NRXN3: variants seen among roughly 807,000 people sequenced by gnomAD.
NRXN3 encodes neurexin 3.
NRXN3 carries 32 observed loss-of-function variants against 137.6 expected under a neutral mutation model. The observed-to-expected ratio is 0.23, with a 90% CI of 0.18 to 0.31. The LOEUF (loss-of-function observed/expected upper bound fraction) is 0.31, where lower values mean the gene tolerates loss of function less well. NRXN3 is among the 10% of genes least tolerant of loss of function. NRXN3 has a pLI of 1.00. For missense variants in NRXN3, 1,574 were observed against 2,062.5 expected (o/e 0.76, Z 4.59); for synonymous variants, 798 against 784.5 (o/e 1.02, Z -0.29).
chr14:78,911,222 C>A (rs1291331178), intron 10 of NRXN3, among the ~76,000 whole-genome samples: 1 of 152,078 alleles, frequency 6.6e-6, no homozygotes, highest in Non-Finnish European at 1.5e-5. Flanking sequence ...AGCTGAGGTA[C>A]AATGAGGGCT....
intron 1 of NRXN3, among the ~76,000 whole-genome samples, chr14:78,223,713 G>C (rs1004092345): frequency 2.0e-5 from 3 of 152,174 alleles, no homozygotes; most frequent in Non-Finnish European, 2.9e-5. Context: ...GGGATAGGGG[G>C]ACAAAGGGAC....
intron 20 of NRXN3, among the ~76,000 whole-genome samples, chr14:79,822,315 A>G (rs546295267): frequency 6.6e-6 from 1 of 152,272 alleles, no homozygotes; most frequent in East Asian, 1.9e-4. Context: ...GAAATGAGAA[A>G]AGCAAGGACA....
intron 15 of NRXN3, among the ~76,000 whole-genome samples, chr14:79,300,115 A>G (rs139787847): frequency 3.0e-4 from 46 of 152,192 alleles, no homozygotes; most frequent in African/African-American, 1.1e-3. Context: ...AAGTGCTTAC[A>G]TGTGTTGTCT....
chr14:79,864,188 G>GTAAT lies in NRXN3; in HGVS notation c.*2225_*2228dup, dbSNP rs2099416836. ...CTTTCTTTCATTTTTTTCAATTTAA[G>GTAAT]TAATAATACATTTGTTATATTCCTT... On this transcript the variant is annotated 3_prime_UTR_variant, in exon 21 of 21. Transcript: ENST00000335750. 1 of 152,470 alleles carries GTAAT rather than the reference G, an allele frequency of 6.6e-6. No individual in the cohort carries two copies. Among genetic ancestry groups the GTAAT allele is most frequent in the Non-Finnish European group, 1.5e-5 (1 of 67,992 alleles). 9.4% of individuals were successfully genotyped at this position (152,470 alleles called of 1,614,324 possible). A position where few individuals can be genotyped will look rare whatever the true frequency, so the allele number is the denominator to read the frequency against.
intron 15 of NRXN3, among the ~76,000 whole-genome samples, chr14:79,309,242 C>G (rs1468527458): frequency 4.1e-5 from 1 of 24,298 alleles, no homozygotes; most frequent in African/African-American, 1.9e-4. Flanking sequence ...TCATCCATGT[C>G]CCTACAAAGG....
At chr14:79,325,680 GTCT>G (rs1474214790) in intron 15 of NRXN3, among the ~76,000 whole-genome samples, 2 of 152,128 alleles carry the variant, frequency 1.3e-5, no homozygotes, top group Admixed American at 6.6e-5. Flanking sequence ...TTTCAAGAAG[GTCT>G]TCTTCTTTTC....
chr14:78,564,292 A>C (rs774701841), intron 4 of NRXN3, among the ~76,000 whole-genome samples: 4 of 152,178 alleles, frequency 2.6e-5, no homozygotes, highest in Non-Finnish European at 5.9e-5. Flanking sequence ...TTCCCGCCTC[A>C]GTGTGAAGGT....
At chr14:78,540,873 A>T (rs1199385878) in intron 4 of NRXN3, among the ~76,000 whole-genome samples, 1 of 152,170 alleles carries the variant, frequency 6.6e-6, no homozygotes, top group African/African-American at 2.4e-5. Context: ...TCCTTCACTT[A>T]TGAAGCTTAG....
At position 79,551,976 on chromosome 14, in the gene NRXN3, C is replaced by T. The variant is rs187662706; in HGVS notation, c.3444+84574C>T. Among the ~76,000 whole-genome samples, 700 of 152,284 alleles carry T rather than the reference C, an allele frequency of 4.6e-3. 2 individuals carry two copies. The highest frequency in any genetic ancestry group is 6.2e-3 in the Non-Finnish European group (420 of 68,028). ...GCTTTTCGTCATTAGCCCAGATGTT[C>T]CCAGTTACTTGGACAGAGAGCCTTG... On this transcript the variant is annotated intron_variant, in intron 16 of 20. Coordinates refer to ENST00000335750, the MANE Select transcript of NRXN3 (RefSeq NM_001330195.2).
chr14:78,712,906 G>A (rs1357458930), intron 7 of NRXN3, among the ~76,000 whole-genome samples: 1 of 152,172 alleles, frequency 6.6e-6, no homozygotes, highest in Non-Finnish European at 1.5e-5. Context: ...GATCACGTCT[G>A]ATCTTCGCAG....
chr14:78,355,673 G>A (rs547399561), intron 4 of NRXN3, among the ~76,000 whole-genome samples: 1 of 152,278 alleles, frequency 6.6e-6, no homozygotes, highest in South Asian at 2.1e-4. Flanking sequence ...ACCCACCTTG[G>A]CCTCCCAAAG....
intron 15 of NRXN3, among the ~76,000 whole-genome samples, chr14:79,295,564 T>C (rs1007524565): frequency 1.3e-5 from 2 of 152,128 alleles, no homozygotes; most frequent in African/African-American, 4.8e-5. Flanking sequence ...GCTGATCTTG[T>C]TCATGGCTGG....
intron 16 of NRXN3, among the ~76,000 whole-genome samples, chr14:79,579,518 A>G (rs2097695592): frequency 6.6e-6 from 1 of 151,912 alleles, no homozygotes; most frequent in Admixed American, 6.6e-5. Context: ...TCTCCAAATT[A>G]TCATTCATGT....
At chr14:79,333,903 ATCTC>A (rs530587042) in intron 15 of NRXN3, among the ~76,000 whole-genome samples, 1 of 151,632 alleles carries the variant, frequency 6.6e-6, no homozygotes, top group Non-Finnish European at 1.5e-5. Flanking sequence ...TCATGTTGCC[ATCTC>A]TCTCTCTCTC....
chr14:79,338,634 A>T (rs1036394805), intron 15 of NRXN3, among the ~76,000 whole-genome samples: 1 of 152,196 alleles, frequency 6.6e-6, no homozygotes, highest in South Asian at 2.1e-4. Flanking sequence ...TGCTGTATGG[A>T]TTAAATGAGA....
rs565837310 is a variant in NRXN3 at position 78,398,932 on chromosome 14, G to T, written c.757+101072G>T. ...CCCATTATAGCCTAACAAGTGTGAG[G>T]GTCTATGTTCCTCAGTTGTTCTTCA... On this transcript the variant is annotated intron_variant, in intron 4 of 20. Coordinates refer to ENST00000335750, the MANE Select transcript of NRXN3 (RefSeq NM_001330195.2). 1.9e-3 allele frequency among the ~76,000 whole-genome samples: 286 copies of T among 152,228 alleles called. 1 individual carries two copies. Among genetic ancestry groups the T allele is most frequent in the African/African-American group, 6.6e-3 (274 of 41,550 alleles).
At chr14:79,628,396 C>T (rs1431630687) in intron 16 of NRXN3, among the ~76,000 whole-genome samples, 1 of 152,124 alleles carries the variant, frequency 6.6e-6, no homozygotes, top group Non-Finnish European at 1.5e-5. Flanking sequence ...TCTAGTATGT[C>T]CATTCTGTTG....
intron 6 of NRXN3, among the ~76,000 whole-genome samples, chr14:78,690,174 T>G (rs1315309842): frequency 2.0e-5 from 3 of 152,214 alleles, no homozygotes; most frequent in African/African-American, 7.2e-5. Context: ...CTCTTTTGTT[T>G]TATTCCACTC....
chr14:78,594,052 G>C (rs34949059), intron 4 of NRXN3, among the ~76,000 whole-genome samples: 3,355 of 152,188 alleles, frequency 0.022, 39 homozygotes, highest in Non-Finnish European at 0.025. Context: ...CCCTCGGCAC[G>C]CAACAAGCGG....
Sources: allele counts gnomAD v4.1 joint callset (sites outside exome capture counted in the v4.1 genomes callset), GRCh38; gene constraint gnomAD v4.1.1; transcripts MANE v1.5; gene names NCBI Gene and HGNC (gene_info 2026-07-23, HGNC 2026-07-21).